Variants in MINDY4 observed in about 807,000 individuals in gnomAD.
The protein encoded by MINDY4 is probable ubiquitin carboxyl-terminal hydrolase MINDY-4.
Under a neutral mutation model 87.0 loss-of-function variants are expected in MINDY4, and 68 were observed. The ratio of observed to expected loss-of-function variants is 0.78; its 90% confidence interval spans 0.64 to 0.96. The LOEUF (loss-of-function observed/expected upper bound fraction) is 0.96, where lower values mean the gene tolerates loss of function less well. Ranked by LOEUF, MINDY4 falls within the 40% of genes least tolerant of loss-of-function variation. The pLI, the probability that MINDY4 is intolerant of heterozygous loss-of-function variation, is 0.00. For synonymous variants in MINDY4, 379 were observed against 363.2 expected, an observed-to-expected ratio of 1.04 and a Z score of -0.50; for missense variants, 919 against 928.2, an observed-to-expected ratio of 0.99 and a Z score of 0.13.
chr7:30,776,720 G>C (rs1199887907), intron 1 of MINDY4, among the ~76,000 whole-genome samples: 2 of 152,180 alleles, frequency 1.3e-5, no homozygotes, highest in Non-Finnish European at 2.9e-5. Context: ...CTTCATCCTT[G>C]TCTTCCCTCT....
intron 9 of MINDY4, among the ~76,000 whole-genome samples, chr7:30,842,248 T>G (rs956086074): frequency 7.2e-5 from 11 of 152,194 alleles, no homozygotes; most frequent in African/African-American, 2.4e-4. Context: ...TCCCCTCCCC[T>G]TTGCTCTCCG....
At chr7:30,810,893 G>C (rs1227401852) in intron 5 of MINDY4, among the ~76,000 whole-genome samples, 2 of 152,252 alleles carry the variant, frequency 1.3e-5, no homozygotes, top group Middle Eastern at 6.8e-3. Context: ...AGGCACCAAA[G>C]ACTATAAAGT....
chr7:30,864,640 T>C (rs1789871549), intron 13 of MINDY4, among the ~76,000 whole-genome samples: 1 of 152,262 alleles, frequency 6.6e-6, no homozygotes, highest in South Asian at 2.1e-4. Context: ...CCTGGTGTGA[T>C]TGCCGTGGCC....
At chr7:30,824,275 T>C (rs1788430985) in intron 5 of MINDY4, among the ~76,000 whole-genome samples, 1 of 152,186 alleles carries the variant, frequency 6.6e-6, no homozygotes, top group African/African-American at 2.4e-5. Flanking sequence ...TTCAGATCTG[T>C]CTTCCTCTTC....
At chr7:30,842,564 C>T (rs74902332) in intron 9 of MINDY4, among the ~76,000 whole-genome samples, 8,108 of 152,226 alleles carry the variant, frequency 0.053, 364 homozygotes, top group East Asian at 0.11. Context: ...AGCAGGTCCT[C>T]AGCAGGGATA....
chr7:30,811,078 G>C (rs1787982392), intron 5 of MINDY4, among the ~76,000 whole-genome samples: 1 of 151,712 alleles, frequency 6.6e-6, no homozygotes, highest in African/African-American at 2.4e-5. Context: ...TCGAAGGGTG[G>C]AAAGAAAAGA....
At chr7:30,868,126 T>C (rs1472068747) in intron 13 of MINDY4, among the ~76,000 whole-genome samples, 2 of 152,206 alleles carry the variant, frequency 1.3e-5, no homozygotes, top group African/African-American at 4.8e-5. Flanking sequence ...CATGCCCAGA[T>C]TCACACAGGG....
At chr7:30,861,506 G>A (rs1474841585) in intron 13 of MINDY4, among the ~76,000 whole-genome samples, 4 of 152,234 alleles carry the variant, frequency 2.6e-5, no homozygotes, top group African/African-American at 4.8e-5. Context: ...CCCCACCCAG[G>A]CCATCTGGCC....
chr7:30,833,882 T>C (rs954454350), intron 6 of MINDY4, among the ~76,000 whole-genome samples: 1 of 152,270 alleles, frequency 6.6e-6, no homozygotes, highest in Non-Finnish European at 1.5e-5. Context: ...AGTGATCTCC[T>C]TTGACTCCAT....
intron 13 of MINDY4, among the ~76,000 whole-genome samples, chr7:30,863,515 C>T (rs1584331537): frequency 6.6e-6 from 1 of 152,216 alleles, no homozygotes; most frequent in East Asian, 1.9e-4. Flanking sequence ...ATAGTCGTTC[C>T]TCCCTCCTGG....
At chr7:30,856,783 T>G (rs1236922491) in intron 12 of MINDY4, among the ~76,000 whole-genome samples, 1 of 151,082 alleles carries the variant, frequency 6.6e-6, no homozygotes, top group African/African-American at 2.4e-5. Context: ...GACCAAGAGC[T>G]TCGTGACTTC....
chr7:30,792,934 A>G (rs1787367793), intron 5 of MINDY4, among the ~76,000 whole-genome samples: 1 of 151,472 alleles, frequency 6.6e-6, no homozygotes, highest in Non-Finnish European at 1.5e-5. Flanking sequence ...TTCTTTTGTA[A>G]TATGTTTTAA....
At chr7:30,849,382 T>G (rs1789325668) in intron 9 of MINDY4, among the ~76,000 whole-genome samples, 1 of 152,094 alleles carries the variant, frequency 6.6e-6, no homozygotes. Flanking sequence ...TTTTTAAAAA[T>G]TTGCAGAATC....
In MINDY4 at chr7:30,808,932, GGAGAGA is replaced by G. The variant is rs55961516; in HGVS notation, c.1073+17378_1073+17383del. On this transcript the variant is annotated intron_variant, in intron 5 of 17. Transcript: ENST00000265299. ...GACAGAGAGACAAAGAGGGAGTCAA[GGAGAGA>G]GAGAGAGAGAGAGAGAGAGGCAGAG... is the stretch of plus-strand genomic sequence containing the variant. 1.3e-3 allele frequency among the ~76,000 whole-genome samples: 194 copies of G among 145,210 alleles called. 1 individual carries two copies. Among genetic ancestry groups the G allele is most frequent in the African/African-American group, 4.5e-3 (178 of 39,464 alleles).
At position 30,882,372 on chromosome 7, in the gene MINDY4, T is replaced by TCTCCCCCCC; in HGVS notation, c.2152+12_2152+13insTCCCCCCCC. 6.6e-7 allele frequency: 1 copy of TCTCCCCCCC among 1,521,494 alleles called. No homozygotes were observed. Among genetic ancestry groups the TCTCCCCCCC allele is most frequent in the Non-Finnish European group, 8.9e-7 (1 of 1,127,552 alleles). 94.2% of individuals were successfully genotyped at this position (1,521,494 alleles called of 1,614,324 possible). A position where few individuals can be genotyped will look rare whatever the true frequency, so the allele number is the denominator to read the frequency against. On this transcript the variant is annotated intron_variant, in intron 16 of 17. Transcript: ENST00000265299. ...TCCGGCTGACCATTGGTGCGGGCCC[T>TCTCCCCCCC]CACCCCCCCACCCACCCAACCCTGT...
chr7:30,839,202 A>G lies in MINDY4; in HGVS notation c.1242A>G (p.Glu414=). The G allele has an allele frequency of 6.3e-7, 1 of 1,594,704 alleles. No homozygotes were observed. The highest frequency in any genetic ancestry group is 8.5e-7 in the Non-Finnish European group (1 of 1,171,372). ...SKPIDLSVAK[E]IKTLLFGSSF... Reference sequence around the variant, plus strand: ...AAAACTCTCTCTTCTTTTTATAGGAAATAAAGACCCTTCTGTTTGGTTCCA... The same window carrying G: ...AAAACTCTCTCTTCTTTTTATAGGAGATAAAGACCCTTCTGTTTGGTTCCA... The change falls in exon 8 of 18, where the codon GAA becomes GAG. Residue 414 remains glutamate, a splice_region_variant and synonymous_variant. Coordinates refer to ENST00000265299, the MANE Select transcript of MINDY4 (RefSeq NM_032222.3).
In MINDY4 at chr7:30,828,548, C is replaced by T. The variant is rs1331788826; in HGVS notation, c.1074-131C>T. ...GCTGAGAGAGGGGGAGTATTCAAGG[C>T]ACACAGAGGCAAGGCCAAGACTAGA... On this transcript the variant is annotated intron_variant, in intron 5 of 17. Coordinates refer to ENST00000265299, the MANE Select transcript of MINDY4 (RefSeq NM_032222.3). 4 of 869,428 alleles carry T rather than the reference C, an allele frequency of 4.6e-6. No individual in the cohort carries two copies. In the East Asian group the frequency reaches 7.4e-5, roughly 16 times the overall value. The allele number at this position is 869,428 out of a possible 1,614,324, so 53.9% of individuals were successfully genotyped here.
At chr7:30,785,724 T>C in intron 3 of MINDY4, 25 bp from the exon 4 acceptor site, 2 of 1,613,256 alleles carry the variant, frequency 1.2e-6, no homozygotes, top group Non-Finnish European at 1.7e-6. Context: ...GAGTCTGTTT[T>C]AATGGAAATA....
At chr7:30,830,727 G>A (rs758253844) in intron 6 of MINDY4, among the ~76,000 whole-genome samples, 1 of 152,188 alleles carries the variant, frequency 6.6e-6, no homozygotes, top group Non-Finnish European at 1.5e-5. Flanking sequence ...TGAGATTTGG[G>A]TGGGGACACA....
Sources: gnomAD v4.1 joint callset for allele counts (sites outside exome capture counted in the v4.1 genomes callset) on GRCh38, gnomAD v4.1.1 for gene constraint, MANE v1.5 for transcripts, NCBI Gene and HGNC (gene_info 2026-07-23, HGNC 2026-07-21) for gene names.